CSMD1: variants seen among roughly 807,000 people sequenced by gnomAD.
CSMD1 encodes the protein CUB and Sushi multiple domains 1.
In CSMD1, 213 loss-of-function variants were observed where a neutral mutation model predicts 417.5. The observed-to-expected ratio is 0.51, with a 90% CI of 0.46 to 0.57. The LOEUF is 0.57. Ranked by LOEUF, CSMD1 falls within the 20% of genes least tolerant of loss-of-function variation. The pLI, the probability that CSMD1 is intolerant of heterozygous loss-of-function variation, is 0.00. For synonymous variants in CSMD1, 2,862 were observed against 1,736.8 expected (o/e 1.65, Z -16.11); for missense variants, 6,923 against 4,529.7 (o/e 1.53, Z -15.17).
chr8:3,255,334 G>C (rs927212527), intron 26 of CSMD1, among the ~76,000 whole-genome samples: 1 of 152,172 alleles, frequency 6.6e-6, no homozygotes, highest in Non-Finnish European at 1.5e-5. Flanking sequence ...ACTTGAGGAG[G>C]CAGTCTGTCC....
chr8:4,624,199 T>C (rs998251372), intron 2 of CSMD1, among the ~76,000 whole-genome samples: 3 of 152,144 alleles, frequency 2.0e-5, no homozygotes, highest in Non-Finnish European at 2.9e-5. Flanking sequence ...AAGAATGAGA[T>C]GACCTCTATT....
At chr8:3,735,708 G>T (rs1796493138) in intron 6 of CSMD1, among the ~76,000 whole-genome samples, 1 of 152,172 alleles carries the variant, frequency 6.6e-6, no homozygotes, top group African/African-American at 2.4e-5. Context: ...TAAATTCATG[G>T]ACAACAGAAA....
At chr8:4,407,888 A>T (rs893105763) in intron 3 of CSMD1, among the ~76,000 whole-genome samples, 1 of 152,170 alleles carries the variant, frequency 6.6e-6, no homozygotes, top group African/African-American at 2.4e-5. Flanking sequence ...TTTATGAGTT[A>T]AGATGGATAA....
chr8:3,968,971 G>A (rs539534333), intron 5 of CSMD1, among the ~76,000 whole-genome samples: 104 of 152,248 alleles, frequency 6.8e-4, no homozygotes, highest in African/African-American at 2.4e-3. Flanking sequence ...CTAATGCAGG[G>A]CAGGGACAGT....
intron 3 of CSMD1, among the ~76,000 whole-genome samples, chr8:4,380,829 T>C (rs1185372675): frequency 6.6e-6 from 1 of 152,228 alleles, no homozygotes; most frequent in Non-Finnish European, 1.5e-5. Flanking sequence ...ATTTAGAATG[T>C]TTCTGTGTTT....
At position 4,140,384 on chromosome 8, in the gene CSMD1, G is replaced by A. The variant is rs542343201; in HGVS notation, c.416-108285C>T. Among the ~76,000 whole-genome samples, 5 of 151,072 alleles carry A rather than the reference G, an allele frequency of 3.3e-5. No individual in the cohort carries two copies. The East Asian group carries it at 9.7e-4, about 29-fold the overall frequency. On this transcript the variant is annotated intron_variant, in intron 3 of 69. Transcript: ENST00000635120. ...ATGGTGGCACATGCCTGTAATCCCA[G>A]CTACTTCGGAGCCTGAAGCAGGAGA...
At chr8:3,861,207 G>C (rs1804683058) in intron 5 of CSMD1, among the ~76,000 whole-genome samples, 1 of 152,130 alleles carries the variant, frequency 6.6e-6, no homozygotes, top group Admixed American at 6.5e-5. Context: ...AGGTTCAGTT[G>C]TCTAATGTGA....
chr8:3,183,643 G>T (rs555568059), intron 36 of CSMD1, among the ~76,000 whole-genome samples: 52 of 150,290 alleles, frequency 3.5e-4, no homozygotes, highest in African/African-American at 1.3e-3. Flanking sequence ...GGCATCCACC[G>T]ACGTCACGAA....
chr8:4,203,394 G>A (rs963725149), intron 3 of CSMD1, among the ~76,000 whole-genome samples: 1 of 152,114 alleles, frequency 6.6e-6, no homozygotes, highest in African/African-American at 2.4e-5. Flanking sequence ...GATCTTTGTG[G>A]TTTCTATGCC....
intron 37 of CSMD1, among the ~76,000 whole-genome samples, chr8:3,180,387 C>G (rs761576066): frequency 1.1e-4 from 16 of 152,196 alleles, no homozygotes; most frequent in African/African-American, 3.1e-4. Context: ...ATTTTAACTG[C>G]CTTTGAGACT....
intron 1 of CSMD1, among the ~76,000 whole-genome samples, chr8:4,648,730 A>C (rs1456928540): frequency 6.6e-6 from 1 of 152,150 alleles, no homozygotes; most frequent in Non-Finnish European, 1.5e-5. Context: ...TTGTGAATTT[A>C]GGAAGAGAAT....
intron 10 of CSMD1, among the ~76,000 whole-genome samples, chr8:3,560,440 G>T (rs1227740468): frequency 2.0e-5 from 3 of 152,134 alleles, no homozygotes; most frequent in Admixed American, 6.6e-5. Context: ...GCAAAGTCAA[G>T]ATGGGATCCC....
chr8:3,810,037 T>C (rs562870356), intron 5 of CSMD1, among the ~76,000 whole-genome samples: 2 of 152,330 alleles, frequency 1.3e-5, no homozygotes, highest in African/African-American at 4.8e-5. Flanking sequence ...GCCATGTCTG[T>C]AGTCCTCTGT....
intron 1 of CSMD1, among the ~76,000 whole-genome samples, chr8:4,963,952 C>G (rs1297507844): frequency 6.6e-6 from 1 of 152,162 alleles, no homozygotes; most frequent in East Asian, 1.9e-4. Context: ...TGATTTCATA[C>G]CAAATACTCT....
At chr8:4,940,028 C>A (rs55760220) in intron 1 of CSMD1, among the ~76,000 whole-genome samples, 1 of 151,884 alleles carries the variant, frequency 6.6e-6, no homozygotes, top group African/African-American at 2.4e-5. Context: ...GATCCATGTG[C>A]CTGCACTCCC....
In CSMD1 at chr8:4,277,641, G is replaced by A. The variant is rs146557080; in HGVS notation, c.415+142312C>T. ...CTTCCCTTTCTCACAAGGATATGCA[G>A]AAACAACCTGTTTGTATCATGTACT... is the stretch of plus-strand genomic sequence containing the variant. On this transcript the variant is annotated intron_variant, in intron 3 of 69. Coordinates refer to ENST00000635120, the MANE Select transcript of CSMD1 (RefSeq NM_033225.6). Among the ~76,000 whole-genome samples the A allele has an allele frequency of 2.2e-4, 34 of 152,296 alleles. No homozygotes were observed. In the East Asian group the frequency reaches 6.6e-3, roughly 29 times the overall value.
chr8:3,356,780 C>G (rs559052207), intron 21 of CSMD1, among the ~76,000 whole-genome samples: 5 of 152,178 alleles, frequency 3.3e-5, no homozygotes, highest in Admixed American at 1.3e-4. Flanking sequence ...TGAGAGGGCT[C>G]CATCTGTCTG....
chr8:4,818,793 A>G (rs565583926), intron 1 of CSMD1, among the ~76,000 whole-genome samples: 12 of 152,350 alleles, frequency 7.9e-5, no homozygotes, highest in African/African-American at 2.9e-4. Context: ...GTAAAACAAA[A>G]GTATTTTCAT....
chr8:4,472,435 A>G (rs1391687777), intron 2 of CSMD1, among the ~76,000 whole-genome samples: 1 of 152,102 alleles, frequency 6.6e-6, no homozygotes, highest in South Asian at 2.1e-4. Flanking sequence ...TATGTCATTT[A>G]TAGACATATA....
Sources: allele counts gnomAD v4.1 joint callset (sites outside exome capture counted in the v4.1 genomes callset), GRCh38; gene constraint gnomAD v4.1.1; transcripts MANE v1.5; gene names NCBI Gene and HGNC (gene_info 2026-07-23, HGNC 2026-07-21).